The following MACROH2A2 variants were observed in gnomAD, a reference collection of about 807,000 sequenced individuals.
MACROH2A2 encodes the protein core histone macro-H2A.2.
A neutral mutation model predicts 37.6 loss-of-function variants in MACROH2A2; 6 were observed. The ratio of observed to expected loss-of-function variants is 0.16; its 90% CI spans 0.09 to 0.32. MACROH2A2 has a LOEUF of 0.32. MACROH2A2 is among the 10% of genes least tolerant of loss of function. The pLI, the probability that MACROH2A2 is intolerant of heterozygous loss-of-function variation, is 1.00. For synonymous variants in MACROH2A2, 192 were observed against 202.7 expected (o/e 0.95, Z 0.45); for missense variants, 290 against 485.9 (o/e 0.60, Z 3.79).
In MACROH2A2 at chr10:70,053,366, T is replaced by G. The variant is rs1454755209; in HGVS notation, c.-60+366T>G. Among the ~76,000 whole-genome samples the G allele has an allele frequency of 6.6e-6, 1 of 151,416 alleles. No homozygotes were observed. The highest frequency in any genetic ancestry group is 1.5e-5 in the Non-Finnish European group (1 of 67,782). On this transcript the variant is annotated intron_variant, in intron 1 of 8. Transcript: ENST00000373255. The surrounding 1 kb of genome is among the most constrained non-coding windows in gnomAD (Gnocchi z 4.8). ...CGGAGGTCTCCTGGGAATGCGGAGTTTCGGGCGCAGGAGCGGGAGGACGGA... is the reference window on the plus strand; with the variant it reads ...CGGAGGTCTCCTGGGAATGCGGAGTGTCGGGCGCAGGAGCGGGAGGACGGA...
intron 6 of MACROH2A2, among the ~76,000 whole-genome samples, chr10:70,097,013 A>G (rs2072280262): frequency 6.6e-6 from 1 of 152,152 alleles, no homozygotes; most frequent in Non-Finnish European, 1.5e-5. Flanking sequence ...ACACATTTCT[A>G]TAGTAATGAA....
At chr10:70,067,198 T>C (rs1436356609) in intron 1 of MACROH2A2, among the ~76,000 whole-genome samples, 1 of 152,120 alleles carries the variant, frequency 6.6e-6, no homozygotes, top group African/African-American at 2.4e-5. Flanking sequence ...CCTAACCATG[T>C]ATTTCCCCTA....
At position 70,111,810 on chromosome 10, in the gene MACROH2A2, C is replaced by T. The variant is rs1037074809; in HGVS notation, c.*127C>T. 24 of 714,900 alleles carry T rather than the reference C, an allele frequency of 3.4e-5. No individual in the cohort carries two copies. The highest frequency in any genetic ancestry group is 1.1e-4 in the Admixed American group (3 of 27,338). 44.3% of individuals were successfully genotyped at this position (714,900 alleles called of 1,614,324 possible). A position where few individuals can be genotyped will look rare whatever the true frequency, so the allele number is the denominator to read the frequency against. On this transcript the variant is annotated 3_prime_UTR_variant, in exon 9 of 9. Transcript: ENST00000373255. ...GGTGGCCGGGCAGGTCCTGCCGGCG[C>T]AGGGAGCCCTCTGCCCTTCACACTC...
intron 2 of MACROH2A2, among the ~76,000 whole-genome samples, chr10:70,086,848 T>C (rs2072214905): frequency 1.3e-5 from 2 of 152,180 alleles, no homozygotes; most frequent in Non-Finnish European, 2.9e-5. Context: ...GGCAGCACAC[T>C]TCCCTTCACT....
At position 70,053,594 on chromosome 10, in the gene MACROH2A2, G is replaced by C. The variant is rs1243295617; in HGVS notation, c.-60+594G>C. Among the ~76,000 whole-genome samples, 1 of 151,594 alleles carries C rather than the reference G, an allele frequency of 6.6e-6. No homozygotes were observed. Among genetic ancestry groups the C allele is most frequent in the Non-Finnish European group, 1.5e-5 (1 of 67,846 alleles). The stretch of plus-strand genomic sequence containing the variant: ...GGGCGGGCCGCGCCGGGGAAGGTCA[G>C]GTCGGGGACGCCGGGTGGCGGGGCG... On this transcript the variant is annotated intron_variant, in intron 1 of 8. Coordinates refer to ENST00000373255, the MANE Select transcript of MACROH2A2 (RefSeq NM_018649.3). The surrounding 1 kb of genome is among the most constrained non-coding windows in gnomAD (Gnocchi z 4.8).
chr10:70,067,704 G>A (rs1251133017), intron 1 of MACROH2A2, among the ~76,000 whole-genome samples: 1 of 152,164 alleles, frequency 6.6e-6, no homozygotes, highest in Non-Finnish European at 1.5e-5. Context: ...GTGATGTAGG[G>A]AGGAGAGGAC....
rs918598478 is a variant in MACROH2A2, at chr10:70,053,666, T to G, written c.-60+666T>G. Among the ~76,000 whole-genome samples the G allele has an allele frequency of 2.7e-5, 4 of 150,680 alleles. No homozygotes were observed. The highest frequency in any genetic ancestry group is 4.4e-5 in the Non-Finnish European group (3 of 67,616). ...GACACCCGGGCGCCGCGGGCGGGCG[T>G]GCGCCCCGGGGCCGGCGCGGAAGAG... On this transcript the variant is annotated intron_variant, in intron 1 of 8. Coordinates refer to ENST00000373255, the MANE Select transcript of MACROH2A2 (RefSeq NM_018649.3). This position sits in a 1 kb window ranked among gnomAD's most constrained non-coding sequence, Gnocchi z 4.8.
At chr10:70,071,600 A>AT (rs1306475556) in intron 1 of MACROH2A2, among the ~76,000 whole-genome samples, 1 of 152,176 alleles carries the variant, frequency 6.6e-6, no homozygotes, top group Non-Finnish European at 1.5e-5. Flanking sequence ...TCGTTAGGTG[A>AT]TTTTGTCATT....
intron 3 of MACROH2A2, among the ~76,000 whole-genome samples, chr10:70,090,796 T>C (rs2072240296): frequency 6.6e-6 from 1 of 152,246 alleles, no homozygotes; most frequent in African/African-American, 2.4e-5. Flanking sequence ...TTTTTTGTTA[T>C]CAGATTCAAC....
intron 2 of MACROH2A2, among the ~76,000 whole-genome samples, chr10:70,081,093 G>C (rs1052428447): frequency 8.3e-6 from 1 of 120,498 alleles, no homozygotes; most frequent in Non-Finnish European, 1.7e-5. Context: ...AAAAAAAAAA[G>C]ATGTCCAGAA....
intron 1 of MACROH2A2, among the ~76,000 whole-genome samples, chr10:70,069,733 A>G (rs2072098348): frequency 6.6e-6 from 1 of 152,146 alleles, no homozygotes; most frequent in Admixed American, 6.5e-5. Flanking sequence ...AGCCTGAAGA[A>G]AACAAATTTT....
chr10:70,092,114 G>A (rs1564545819), intron 4 of MACROH2A2, among the ~76,000 whole-genome samples, 160 bp downstream of exon 4: 1 of 152,174 alleles, frequency 6.6e-6, no homozygotes. Flanking sequence ...GAGTCCTCAC[G>A]AATGGGAACA....
intron 7 of MACROH2A2, among the ~76,000 whole-genome samples, chr10:70,106,553 T>C (rs2072338794): frequency 6.6e-6 from 1 of 152,108 alleles, no homozygotes; most frequent in Admixed American, 6.6e-5. Flanking sequence ...TCCTAGCACT[T>C]TGGGAGGCCG....
intron 2 of MACROH2A2, among the ~76,000 whole-genome samples, chr10:70,079,551 TCGCGCGCG>T (rs778240404): frequency 1.6e-3 from 182 of 114,150 alleles, no homozygotes; most frequent in African/African-American, 5.3e-3. Flanking sequence ...CGTTGAGGGT[TCGCGCGCG>T]CGCGCGCACA....
intron 1 of MACROH2A2, among the ~76,000 whole-genome samples, chr10:70,067,357 G>A (rs74139258): frequency 0.055 from 8,295 of 152,198 alleles, 293 homozygotes; most frequent in African/African-American, 0.1. Flanking sequence ...GTGAAGCCAC[G>A]GAAAACGTGG....
In MACROH2A2 at chr10:70,107,863, A is replaced by G. The variant is rs867516534; in HGVS notation, c.779-1170A>G. Among the ~76,000 whole-genome samples, 8 of 152,280 alleles carry G rather than the reference A, an allele frequency of 5.3e-5. No homozygotes were observed. Among genetic ancestry groups the G allele is most frequent in the Middle Eastern group, 3.4e-3 (1 of 294 alleles). ...ATAAGCCCCTGCACCAGACCTACTG[A>G]GTCAGGACCTCTGGGTGGTCAGTAC... On this transcript the variant is annotated intron_variant, in intron 7 of 8. Transcript: ENST00000373255. This position sits in a 1 kb window ranked among gnomAD's most constrained non-coding sequence, Gnocchi z 4.4.
At position 70,090,041 on chromosome 10, in the gene MACROH2A2, T is replaced by C. The variant is rs202060888; in HGVS notation, c.173-19T>C. ...ACCCCATTCTGTGATTGCCTGTTAA[T>C]GCCTCCTTGTGATTTCAGCGGAAAT... On this transcript the variant is annotated intron_variant, in intron 2 of 8. Coordinates refer to ENST00000373255, the MANE Select transcript of MACROH2A2 (RefSeq NM_018649.3). 9.5e-5 allele frequency: 146 copies of C among 1,536,676 alleles called. 1 individual carries two copies. The African/African-American group carries it at 1.7e-3, about 17-fold the overall frequency.
At position 70,075,083 on chromosome 10, in the gene MACROH2A2, G is replaced by C. The variant is rs1429965065; in HGVS notation, c.-59-517G>C. On this transcript the variant is annotated intron_variant, in intron 1 of 8. Transcript: ENST00000373255. The surrounding 1 kb of genome is among the most constrained non-coding windows in gnomAD (Gnocchi z 5.0). ...TCAGCAGGACTAATTCCTTCTGATG[G>C]CTTTGAGGGGAAAATCCTTTTCCTT... Among the ~76,000 whole-genome samples the C allele has an allele frequency of 6.6e-6, 1 of 152,140 alleles. No homozygotes were observed. The highest frequency in any genetic ancestry group is 2.4e-5 in the African/African-American group (1 of 41,410).
intron 1 of MACROH2A2, among the ~76,000 whole-genome samples, chr10:70,057,614 C>T (rs753339645): frequency 1.3e-5 from 2 of 152,174 alleles, no homozygotes; most frequent in East Asian, 1.9e-4. Flanking sequence ...TTCATTATTA[C>T]CCCTTTACAC....
Sources: allele counts gnomAD v4.1 joint callset (sites outside exome capture counted in the v4.1 genomes callset), GRCh38; gene constraint gnomAD v4.1.1; non-coding constraint Gnocchi (gnomAD v3.1); transcripts MANE v1.5; gene names NCBI Gene and HGNC (gene_info 2026-07-23, HGNC 2026-07-21).